Variants in ANKRD30A observed in about 807,000 individuals in gnomAD.
The protein encoded by ANKRD30A is ankyrin repeat domain-containing protein 30A.
ANKRD30A carries 170 observed loss-of-function variants against 166.3 expected under a neutral mutation model. The observed-to-expected ratio is 1.02, with a 90% CI of 0.90 to 1.16. The LOEUF (loss-of-function observed/expected upper bound fraction) is 1.16. Ranked by LOEUF, ANKRD30A falls within the 50% of genes most tolerant of loss-of-function variation. The probability of loss-of-function intolerance (pLI) is 0.00; values close to 1 mark genes in which losing one functional copy is unlikely to be tolerated. For missense variants in ANKRD30A, 1,630 were observed against 1,518.0 expected (o/e 1.07, Z -1.23); for synonymous variants, 564 against 508.9 (o/e 1.11, Z -1.46).
At chr10:37,259,547 C>T in the ANKRD30A span, among the ~76,000 whole-genome samples, 2 of 152,184 alleles carry the variant, frequency 1.3e-5, no homozygotes, top group South Asian at 2.1e-4. Flanking sequence ...AAAGAATGTT[C>T]ATAGCAGCAT....
Position 37,127,981 on chromosome 10 carries a change from A to G in ANKRD30A, c.222-1912A>G, listed in dbSNP as rs199994082. ...ACTTCTTAAAATATCAGTGTATTAA[A>G]AAGAATCCATTTAATGGCTTTTATA... On this transcript the variant is annotated intron_variant, in intron 1 of 35. Transcript: ENST00000361713. Among the ~76,000 whole-genome samples the G allele has an allele frequency of 7.9e-5, 12 of 152,268 alleles. No homozygotes were observed. In the East Asian group the frequency reaches 2.3e-3, roughly 29 times the overall value.
chr10:37,248,111 C>T, the ANKRD30A span: 5 of 585,158 alleles, frequency 8.5e-6, no homozygotes, highest in Admixed American at 1.9e-5. Context: ...TATTGTTCTC[C>T]CTGCAGATTT....
chr10:37,263,161 G>A, the ANKRD30A span, among the ~76,000 whole-genome samples: 2 of 150,920 alleles, frequency 1.3e-5, no homozygotes, highest in African/African-American at 4.9e-5. Flanking sequence ...TTCTCATGAA[G>A]TGTCATGACC....
intron 34 of ANKRD30A, among the ~76,000 whole-genome samples, chr10:37,226,032 T>A (rs1300279674): frequency 6.6e-6 from 1 of 151,650 alleles, no homozygotes; most frequent in East Asian, 1.9e-4. Flanking sequence ...GGAAGCTTTA[T>A]CTTGTTCAAA....
intron 17 of ANKRD30A, among the ~76,000 whole-genome samples, chr10:37,164,824 G>C (rs961481855): frequency 1.3e-5 from 2 of 152,008 alleles, no homozygotes; most frequent in African/African-American, 4.8e-5. Context: ...AGGAGAATAG[G>C]ATATGACTGC....
At chr10:37,178,703 G>T (rs1244488743) in intron 24 of ANKRD30A, 1 of 719,062 alleles carries the variant, frequency 1.4e-6, no homozygotes, top group South Asian at 6.1e-5. Context: ...AAAGTAAAAG[G>T]AAAGAGTGGG....
At chr10:37,135,720 A>T (rs1330124300) in intron 5 of ANKRD30A, among the ~76,000 whole-genome samples, 1 of 152,224 alleles carries the variant, frequency 6.6e-6, no homozygotes, top group South Asian at 2.1e-4. Flanking sequence ...AGATGCTGAC[A>T]TCTATTAGTT....
At chr10:37,255,390 C>T in the ANKRD30A span, among the ~76,000 whole-genome samples, 4 of 152,110 alleles carry the variant, frequency 2.6e-5, no homozygotes, top group Non-Finnish European at 4.4e-5. Flanking sequence ...AACAAAATTG[C>T]ACTTGTACTC....
chr10:37,151,894 T>A (rs550861735), intron 11 of ANKRD30A, among the ~76,000 whole-genome samples, 166 bp from the exon 12 acceptor site: 1 of 152,218 alleles, frequency 6.6e-6, no homozygotes, highest in East Asian at 1.9e-4. Context: ...TAGATTTCAA[T>A]TCTAATGGAA....
At chr10:37,199,491 G>A (rs1309128312) in intron 29 of ANKRD30A, among the ~76,000 whole-genome samples, 1 of 151,964 alleles carries the variant, frequency 6.6e-6, no homozygotes, top group Non-Finnish European at 1.5e-5. Context: ...ATTCATAGAA[G>A]TTAGTCAAAT....
At chr10:37,200,623 A>G (rs1841544765) in intron 30 of ANKRD30A, among the ~76,000 whole-genome samples, 2 of 152,094 alleles carry the variant, frequency 1.3e-5, no homozygotes, top group Admixed American at 1.3e-4. Context: ...TAGACATGAC[A>G]TAATTTTTTT....
chr10:37,253,649 CTTTTT>C, the ANKRD30A span, among the ~76,000 whole-genome samples: 1 of 130,052 alleles, frequency 7.7e-6, no homozygotes, highest in Non-Finnish European at 1.6e-5. Flanking sequence ...TTTTCTTTTT[CTTTTT>C]TTTTTTTTTT....
chr10:37,245,049 G>C, the ANKRD30A span, among the ~76,000 whole-genome samples: 1 of 152,120 alleles, frequency 6.6e-6, no homozygotes, highest in Non-Finnish European at 1.5e-5. Context: ...ATTTCATTGA[G>C]TTAATAATTT....
At chr10:37,194,405 C>A (rs547184114) in intron 27 of ANKRD30A, among the ~76,000 whole-genome samples, 2 of 151,334 alleles carry the variant, frequency 1.3e-5, no homozygotes, top group East Asian at 2.0e-4. Context: ...GCCATGGCGC[C>A]ATCTCGGCTC....
chr10:37,147,180 A>T (rs751336027), intron 8 of ANKRD30A, among the ~76,000 whole-genome samples, 190 bp from the exon 9 acceptor site: 65 of 152,270 alleles, frequency 4.3e-4, no homozygotes, highest in Admixed American at 2.8e-3. Flanking sequence ...GCATGAAGAT[A>T]ACAGATAAGT....
In ANKRD30A at chr10:37,136,654, A is replaced by G. The variant is rs561609736; in HGVS notation, c.803A>G (p.His268Arg). The change falls in exon 6 of 36, where the codon CAT becomes CGT. Residue 268 changes from histidine (H) to arginine (R), a missense_variant. This residue lies in a region of ANKRD30A where 904 missense variants were observed against 818.5 expected (regional missense o/e 1.10). Coordinates refer to ENST00000361713, the MANE Select transcript of ANKRD30A (RefSeq NM_052997.3). ...TATATACGAAAATTATCTAAAAATC[A>G]TCAAAATACCAATCCAGGTAAGACT... is the stretch of plus-strand genomic sequence containing the variant. ...MEYIRKLSKN[H>R]QNTNPEGTSA... 60 of 1,423,470 alleles carry G rather than the reference A, an allele frequency of 4.2e-5. No homozygotes were observed. In the South Asian group the frequency reaches 7.0e-4, roughly 17 times the overall value. 88.2% of individuals were successfully genotyped at this position (1,423,470 alleles called of 1,614,324 possible).
chr10:37,231,314 C>G, intron 34 of ANKRD30A, 147 bp from the exon 35 acceptor site: 1 of 482,548 alleles, frequency 2.1e-6, no homozygotes, highest in Non-Finnish European at 3.7e-6. Flanking sequence ...ACTAGGCATG[C>G]TCTCACACAT....
At chr10:37,183,924 A>C (rs1297577045) in intron 24 of ANKRD30A, among the ~76,000 whole-genome samples, 1 of 149,954 alleles carries the variant, frequency 6.7e-6, no homozygotes, top group Non-Finnish European at 1.5e-5. Context: ...CGTGACTGGC[A>C]GATCACGAGG....
At chr10:37,210,583 A>G (rs1381525492) in intron 31 of ANKRD30A, among the ~76,000 whole-genome samples, 1 of 152,164 alleles carries the variant, frequency 6.6e-6, no homozygotes, top group Admixed American at 6.5e-5. Context: ...ACTCCCACCA[A>G]CAGTGTAAAA....
Sources: gnomAD v4.1 joint callset for allele counts (sites outside exome capture counted in the v4.1 genomes callset) on GRCh38, gnomAD v4.1.1 for gene constraint, gnomAD v4.1.1 regional missense constraint, MANE v1.5 for transcripts, NCBI Gene and HGNC (gene_info 2026-07-23, HGNC 2026-07-21) for gene names.